ARL6IP6: variants seen among roughly 807,000 people sequenced by gnomAD.
The protein encoded by ARL6IP6 is ADP-ribosylation factor-like protein 6-interacting protein 6.
In ARL6IP6, 22 loss-of-function variants were observed where a neutral mutation model predicts 21.5. The observed-to-expected ratio is 1.02, with a 90% CI of 0.73 to 1.46. The LOEUF (loss-of-function observed/expected upper bound fraction) is 1.46, where lower values mean the gene tolerates loss of function less well. ARL6IP6 is among the 40% of genes most tolerant of loss of function. The pLI is 0.00. For synonymous variants in ARL6IP6, 164 were observed against 125.3 expected (o/e 1.31, Z -2.06); for missense variants, 388 against 299.8 (o/e 1.29, Z -2.17).
intron 3 of ARL6IP6, among the ~76,000 whole-genome samples, chr2:152,745,966 T>G (rs1000169314): frequency 1.4e-5 from 2 of 146,078 alleles, no homozygotes; most frequent in Non-Finnish European, 3.0e-5. Context: ...ATTGTTTCCA[T>G]AAAGTGATAC....
At chr2:152,723,279 C>T (rs570803290) in intron 2 of ARL6IP6, among the ~76,000 whole-genome samples, 9 of 152,166 alleles carry the variant, frequency 5.9e-5, no homozygotes, top group South Asian at 2.1e-4. Flanking sequence ...TCATCCATTA[C>T]GTTTGGGAAA....
chr2:152,760,109 G>A lies in ARL6IP6; in HGVS notation c.*269G>A, dbSNP rs569395528. 3 of 271,466 alleles carry A rather than the reference G, an allele frequency of 1.1e-5. No individual in the cohort carries two copies. Among genetic ancestry groups the A allele is most frequent in the African/African-American group, 4.4e-5 (2 of 45,364 alleles). The allele number at this position is 271,466 out of a possible 1,614,324, so 16.8% of individuals were successfully genotyped here. A position where few individuals can be genotyped will look rare whatever the true frequency, so the allele number is the denominator to read the frequency against. ...GTTTACCTCATCTTTTTACTTTTGT[G>A]TGTGTAGTTCTTTCAAGTTGTAGGA... On this transcript the variant is annotated 3_prime_UTR_variant, in exon 4 of 4. Transcript: ENST00000326446.
chr2:152,726,969 T>C (rs1378811287), intron 2 of ARL6IP6, among the ~76,000 whole-genome samples: 2 of 152,200 alleles, frequency 1.3e-5, no homozygotes, highest in Non-Finnish European at 2.9e-5. Flanking sequence ...TAAACAATTA[T>C]GTTACTGGTT....
intron 3 of ARL6IP6, among the ~76,000 whole-genome samples, chr2:152,754,244 AC>A (rs1205519224): frequency 3.3e-5 from 5 of 152,014 alleles, no homozygotes; most frequent in Admixed American, 6.6e-5. Flanking sequence ...TCCCCTGGAA[AC>A]CCATAGTCTA....
chr2:152,722,031 T>G (rs1347074287), intron 2 of ARL6IP6, among the ~76,000 whole-genome samples: 1 of 152,356 alleles, frequency 6.6e-6, no homozygotes, highest in Admixed American at 6.5e-5. Flanking sequence ...CAGAATCTTA[T>G]GAATTAGGCA....
intron 2 of ARL6IP6, among the ~76,000 whole-genome samples, chr2:152,726,609 A>G (rs16831705): frequency 1.3e-5 from 2 of 152,328 alleles, no homozygotes; most frequent in African/African-American, 4.8e-5. Flanking sequence ...TTAAAAATTG[A>G]TGGTTAGTTT....
In ARL6IP6 at chr2:152,735,172, C is replaced by T. The variant is rs760548123; in HGVS notation, c.587+46C>T. On this transcript the variant is annotated intron_variant, in intron 3 of 3. Transcript: ENST00000326446. ...TTTCTTTTTTAAATGCATTTCAACTCTTGAAAATACTAAAATACTCAGAAG... is the reference window on the plus strand; with the variant it reads ...TTTCTTTTTTAAATGCATTTCAACTTTTGAAAATACTAAAATACTCAGAAG... 9 of 1,593,666 alleles carry T rather than the reference C, an allele frequency of 5.6e-6. No homozygotes were observed. The African/African-American group carries it at 8.1e-5, about 14-fold the overall frequency.
chr2:152,719,783 C>G, intron 1 of ARL6IP6: 1 of 268,136 alleles, frequency 3.7e-6, no homozygotes, highest in East Asian at 1.4e-4. Context: ...AACAAAAGAA[C>G]TTTGTTGTAT....
chr2:152,758,346 G>A (rs1467895106), intron 3 of ARL6IP6, among the ~76,000 whole-genome samples: 1 of 151,616 alleles, frequency 6.6e-6, no homozygotes, highest in Non-Finnish European at 1.5e-5. Flanking sequence ...TTTCGCAGAT[G>A]TGGAACCCAC....
At chr2:152,736,211 A>G (rs1468320412) in intron 3 of ARL6IP6, among the ~76,000 whole-genome samples, 1 of 152,204 alleles carries the variant, frequency 6.6e-6, no homozygotes, top group Non-Finnish European at 1.5e-5. Context: ...GCCATCCCGT[A>G]GTTTACATGG....
chr2:152,729,334 CTGTGTGTG>C (rs10604718), intron 2 of ARL6IP6, among the ~76,000 whole-genome samples: 39 of 151,044 alleles, frequency 2.6e-4, no homozygotes, highest in African/African-American at 5.6e-4. Context: ...CAGACTTTGT[CTGTGTGTG>C]TGTGTGTGTG....
chr2:152,725,352 A>G (rs1699991569), intron 2 of ARL6IP6, among the ~76,000 whole-genome samples: 1 of 152,230 alleles, frequency 6.6e-6, no homozygotes, highest in Admixed American at 6.5e-5. Flanking sequence ...TTAGGATTCC[A>G]GTAAGACTTT....
intron 2 of ARL6IP6, chr2:152,732,708 C>T (rs529988340): frequency 3.6e-5 from 10 of 277,514 alleles, no homozygotes; most frequent in Non-Finnish European, 6.4e-5. Context: ...GTTCCAGGAC[C>T]CCCTCTGGAT....
At position 152,760,369 on chromosome 2, in the gene ARL6IP6, C is replaced by G. The variant is rs886501372; in HGVS notation, c.*529C>G. 1 of 151,604 alleles carries G rather than the reference C, an allele frequency of 6.6e-6. No individual in the cohort carries two copies. Among genetic ancestry groups the G allele is most frequent in the African/African-American group, 2.4e-5 (1 of 41,142 alleles). 9.4% of individuals were successfully genotyped at this position (151,604 alleles called of 1,614,324 possible). ...ATATTCATATAATTAATAGAAGTTG[C>G]ATTTATATTTTTTATGGGGCATAGT... On this transcript the variant is annotated 3_prime_UTR_variant, in exon 4 of 4. Coordinates refer to ENST00000326446, the MANE Select transcript of ARL6IP6 (RefSeq NM_152522.7).
chr2:152,747,900 C>G (rs1433282076), intron 3 of ARL6IP6, among the ~76,000 whole-genome samples: 1 of 152,002 alleles, frequency 6.6e-6, no homozygotes, highest in Non-Finnish European at 1.5e-5. Context: ...CAATGTCTCC[C>G]TATATGCTCA....
chr2:152,737,884 A>G lies in ARL6IP6; in HGVS notation c.587+2758A>G, dbSNP rs1377531845. Among the ~76,000 whole-genome samples, 5 of 152,110 alleles carry G rather than the reference A, an allele frequency of 3.3e-5. No individual in the cohort carries two copies. In the East Asian group the frequency reaches 5.8e-4, roughly 18 times the overall value. ...CTCATGTCCTCACCTTTCAAAACCA[A>G]TCATGCCTTCCCAACAGTCCCCCAA... On this transcript the variant is annotated intron_variant, in intron 3 of 3. Coordinates refer to ENST00000326446, the MANE Select transcript of ARL6IP6 (RefSeq NM_152522.7).
chr2:152,755,575 C>T (rs1701548860), intron 3 of ARL6IP6, among the ~76,000 whole-genome samples: 2 of 151,688 alleles, frequency 1.3e-5, no homozygotes. Context: ...CTCTCTCTTC[C>T]TCTCTCTCTC....
chr2:152,723,478 T>A (rs1220965742), intron 2 of ARL6IP6, among the ~76,000 whole-genome samples: 1 of 152,242 alleles, frequency 6.6e-6, no homozygotes, highest in Non-Finnish European at 1.5e-5. Flanking sequence ...TGACTCATAT[T>A]TAAAATTTAC....
At chr2:152,725,198 T>C (rs1248669299) in intron 2 of ARL6IP6, among the ~76,000 whole-genome samples, 1 of 152,248 alleles carries the variant, frequency 6.6e-6, no homozygotes, top group East Asian at 1.9e-4. Context: ...ATTGGTCTAT[T>C]GGACATTTTT....
Sources: gnomAD v4.1 joint callset for allele counts (sites outside exome capture counted in the v4.1 genomes callset) on GRCh38, gnomAD v4.1.1 for gene constraint, MANE v1.5 for transcripts, NCBI Gene and HGNC (gene_info 2026-07-23, HGNC 2026-07-21) for gene names.